Variants in MCF2L observed in about 807,000 individuals in gnomAD.
MCF2L encodes the protein guanine nucleotide exchange factor DBS.
A neutral mutation model predicts 153.4 loss-of-function variants in MCF2L; 97 were observed. That is an observed-to-expected ratio of 0.63 (90% CI 0.54 to 0.75). The LOEUF (loss-of-function observed/expected upper bound fraction) is 0.75, where lower values mean the gene tolerates loss of function less well. MCF2L is among the 30% of genes least tolerant of loss of function. MCF2L has a pLI of 0.00. For missense variants in MCF2L, 1,347 were observed against 1,495.2 expected, an observed-to-expected ratio of 0.90 and a Z score of 1.64; for synonymous variants, 659 against 632.2, an observed-to-expected ratio of 1.04 and a Z score of -0.64.
intron 1 of MCF2L, among the ~76,000 whole-genome samples, chr13:113,011,028 G>A (rs2084061000): frequency 6.6e-6 from 1 of 152,186 alleles, no homozygotes; most frequent in African/African-American, 2.4e-5. Flanking sequence ...ATTCTTGAGT[G>A]GGTTCAAAAA....
chr13:113,078,883 T>C (rs1016801790), intron 15 of MCF2L, 144 bp downstream of exon 15: 9 of 785,904 alleles, frequency 1.1e-5, no homozygotes, highest in African/African-American at 8.6e-5. Context: ...CACCAACCGA[T>C]ACCCAGAGGG....
At chr13:113,026,948 G>T in intron 3 of MCF2L, 1 of 777,520 alleles carries the variant, frequency 1.3e-6, no homozygotes, top group Non-Finnish European at 2.4e-6. Flanking sequence ...CTCATCTGAT[G>T]TGCTCGTCCC....
intron 4 of MCF2L, 140 bp from the exon 5 acceptor site, chr13:113,060,453 C>T: frequency 1.1e-6 from 1 of 913,870 alleles, no homozygotes; most frequent in Non-Finnish European, 1.7e-6. Context: ...CCATGTTTAT[C>T]TCAGCATAAA....
rs1465437999 is a variant in MCF2L at position 113,020,940 on chromosome 13, C to A, written c.164-3704C>A. ...TGTATGTGTAGTGTGTATGCATGTG[C>A]ATGTGTAGCTGTGTATGTGTATATG... On this transcript the variant is annotated intron_variant, in intron 2 of 29. Transcript: ENST00000535094. Among the ~76,000 whole-genome samples the A allele has an allele frequency of 2.6e-5, 4 of 151,292 alleles. No homozygotes were observed. The East Asian group carries it at 7.7e-4, about 29-fold the overall frequency.
intron 1 of MCF2L, among the ~76,000 whole-genome samples, chr13:112,973,651 C>G (rs1006136402): frequency 6.6e-6 from 1 of 152,230 alleles, no homozygotes; most frequent in Non-Finnish European, 1.5e-5. Flanking sequence ...GGCGCGAGCA[C>G]GGCTTCACCT....
chr13:112,976,168 G>T (rs2082206178), intron 1 of MCF2L, among the ~76,000 whole-genome samples: 1 of 144,282 alleles, frequency 6.9e-6, no homozygotes, highest in Non-Finnish European at 1.5e-5. Flanking sequence ...GCTTGTTTGT[G>T]TGTGTGTATG....
At chr13:112,999,862 G>T (rs1163732610) in intron 1 of MCF2L, among the ~76,000 whole-genome samples, 1 of 152,238 alleles carries the variant, frequency 6.6e-6, no homozygotes, top group Non-Finnish European at 1.5e-5. Flanking sequence ...CATTAGAGTC[G>T]GCTGGGAATG....
chr13:112,928,110 T>C (rs1357347546), intron 2 of MCF2L, among the ~76,000 whole-genome samples: 2 of 152,232 alleles, frequency 1.3e-5, no homozygotes, highest in Non-Finnish European at 2.9e-5. Flanking sequence ...CATTACCTTT[T>C]AGGAATGTTT....
At chr13:113,095,759 T>A (rs1309807052) in intron 27 of MCF2L, 1 of 996,554 alleles carries the variant, frequency 1.0e-6, no homozygotes, top group Admixed American at 5.5e-5. Context: ...CAGGAGGCTG[T>A]GAATCTCCCC....
intron 1 of MCF2L, among the ~76,000 whole-genome samples, chr13:112,997,461 G>T (rs1225957268): frequency 6.6e-6 from 1 of 152,182 alleles, no homozygotes; most frequent in Non-Finnish European, 1.5e-5. Flanking sequence ...GGGGGCATGG[G>T]TGTCACTGAC....
intron 4 of MCF2L, among the ~76,000 whole-genome samples, chr13:113,049,531 C>A (rs2087069911): frequency 6.6e-6 from 1 of 152,216 alleles, no homozygotes; most frequent in Admixed American, 6.5e-5. Context: ...AACCCCTGGG[C>A]TCCAGGCCTT....
chr13:113,059,444 C>T (rs1021007183), intron 4 of MCF2L, among the ~76,000 whole-genome samples: 3 of 152,262 alleles, frequency 2.0e-5, no homozygotes, highest in African/African-American at 7.2e-5. Flanking sequence ...GGCTTTAGGG[C>T]AATGCCATTC....
intron 2 of MCF2L, among the ~76,000 whole-genome samples, chr13:112,923,678 G>A (rs1002455623): frequency 6.6e-6 from 1 of 152,058 alleles, no homozygotes; most frequent in African/African-American, 2.4e-5. Flanking sequence ...TACCTTTGCA[G>A]CAACCTAATA....
At chr13:112,947,954 G>A (rs1555353225) in intron 2 of MCF2L, among the ~76,000 whole-genome samples, 1 of 152,230 alleles carries the variant, frequency 6.6e-6, no homozygotes, top group Non-Finnish European at 1.5e-5. Context: ...CTTGCACTCT[G>A]TGTGCCTGCA....
intron 2 of MCF2L, among the ~76,000 whole-genome samples, chr13:112,914,998 T>C (rs1308170801): frequency 2.0e-5 from 3 of 152,168 alleles, no homozygotes; most frequent in East Asian, 1.9e-4. Flanking sequence ...CCCATTTTTT[T>C]CCTAATATTT....
Position 113,085,107 on chromosome 13 carries a change from C to T in MCF2L, c.2176C>T (p.His726Tyr). ...FFQECQRKLDHKLSLDSYLLK... is the reference protein window; with the variant it reads ...FFQECQRKLDYKLSLDSYLLK... ...CCAGGAATGCCAGAGAAAGCTGGAC[C>T]ACAAGCTGAGCCTGGACTCCTACCT... The change falls in exon 20 of 30, where the codon CAC becomes TAC. Residue 726 changes from histidine (H) to tyrosine (Y), a missense_variant. Around this residue, in one of 3 missense-constraint regions of MCF2L, gnomAD observed 144 missense variants for 238.7 expected, o/e 0.60. Transcript: ENST00000535094. 6.2e-7 allele frequency: 1 copy of T among 1,613,734 alleles called. No individual in the cohort carries two copies. Among genetic ancestry groups the T allele is most frequent in the Non-Finnish European group, 8.5e-7 (1 of 1,180,028 alleles).
chr13:113,038,100 C>A (rs2141447669), intron 3 of MCF2L, among the ~76,000 whole-genome samples: 1 of 152,146 alleles, frequency 6.6e-6, no homozygotes, highest in Middle Eastern at 3.4e-3. Context: ...AAATTGAGTA[C>A]ATAGGAATAA....
chr13:112,901,111 G>A lies in MCF2L; in HGVS notation c.-4-1088G>A, dbSNP rs114342897. The stretch of plus-strand genomic sequence containing the variant: ...GACAGGATGCAGTGTGAACAGTGGC[G>A]TGGAAAGCGACATCCCTGGTGGAGC... On this transcript the variant is annotated intron_variant, in intron 1 of 29. Coordinates refer to the MCF2L transcript ENST00000375608. Among the ~76,000 whole-genome samples the A allele has an allele frequency of 5.0e-3, 756 of 152,308 alleles. 12 individuals carry two copies. Among genetic ancestry groups the A allele is most frequent in the African/African-American group, 0.017 (716 of 41,550 alleles).
chr13:112,901,928 TTTC>T (rs1346460068), intron 1 of MCF2L, among the ~76,000 whole-genome samples: 2 of 152,360 alleles, frequency 1.3e-5, no homozygotes, highest in Admixed American at 6.5e-5. Flanking sequence ...TTGTTTTTCT[TTTC>T]TTCAGCAGCA....
Sources: gnomAD v4.1 joint callset for allele counts (sites outside exome capture counted in the v4.1 genomes callset) on GRCh38, gnomAD v4.1.1 for gene constraint, gnomAD v4.1.1 regional missense constraint, MANE v1.5 for transcripts, NCBI Gene and HGNC (gene_info 2026-07-23, HGNC 2026-07-21) for gene names.